Variants in FOCAD observed in about 807,000 individuals in gnomAD.
The protein encoded by FOCAD is KIAA1797.
A neutral mutation model predicts 225.6 loss-of-function variants in FOCAD; 198 were observed. The ratio of observed to expected loss-of-function variants is 0.88; its 90% CI spans 0.78 to 0.99. The LOEUF (loss-of-function observed/expected upper bound fraction) is 0.99, where lower values mean the gene tolerates loss of function less well. Ranked by LOEUF, FOCAD falls within the 50% of genes least tolerant of loss-of-function variation. FOCAD has a pLI of 0.00. For missense variants in FOCAD, 2,713 were observed against 2,123.6 expected (o/e 1.28, Z -5.46); for synonymous variants, 897 against 755.0 (o/e 1.19, Z -3.08).
At chr9:20,746,271 A>G (rs559338324) in intron 5 of FOCAD, among the ~76,000 whole-genome samples, 1 of 152,318 alleles carries the variant, frequency 6.6e-6, no homozygotes, top group Non-Finnish European at 1.5e-5. Context: ...TTTCAGAGGA[A>G]GGAAAAGCAA....
intron 7 of FOCAD, among the ~76,000 whole-genome samples, chr9:20,766,673 A>G (rs1403785047): frequency 1.4e-5 from 2 of 141,808 alleles, no homozygotes; most frequent in African/African-American, 5.3e-5. Flanking sequence ...TCCCTTCCTT[A>G]TTTTTTTCTT....
chr9:20,956,830 T>C (rs1232627883), intron 35 of FOCAD, among the ~76,000 whole-genome samples: 3 of 152,132 alleles, frequency 2.0e-5, no homozygotes, highest in Non-Finnish European at 4.4e-5. Context: ...GCTTCTGGGA[T>C]TACAGCCATG....
chr9:20,902,202 A>T (rs1832615967), intron 21 of FOCAD, among the ~76,000 whole-genome samples: 1 of 151,892 alleles, frequency 6.6e-6, no homozygotes, highest in Admixed American at 6.6e-5. Flanking sequence ...ATTGTATGAG[A>T]TTAAGATCTA....
intron 18 of FOCAD, among the ~76,000 whole-genome samples, chr9:20,873,518 T>TA (rs1275156675): frequency 6.6e-6 from 1 of 152,192 alleles, no homozygotes; most frequent in East Asian, 1.9e-4. Flanking sequence ...GTTATCTCTG[T>TA]AAGTATGGCT....
chr9:20,758,837 G>T (rs1829306180), intron 6 of FOCAD, among the ~76,000 whole-genome samples: 1 of 152,166 alleles, frequency 6.6e-6, no homozygotes, highest in South Asian at 2.1e-4. Flanking sequence ...GTCCCTGTTT[G>T]CAGATGACAT....
intron 15 of FOCAD, among the ~76,000 whole-genome samples, chr9:20,845,441 C>CTATATA (rs1375298178): frequency 2.1e-5 from 1 of 48,022 alleles, no homozygotes; most frequent in African/African-American, 6.6e-5. Context: ...ATCTTTTCCT[C>CTATATA]GATATATATA....
At chr9:20,908,515 T>C (rs1368683230) in intron 22 of FOCAD, among the ~76,000 whole-genome samples, 1 of 152,110 alleles carries the variant, frequency 6.6e-6, no homozygotes, top group Non-Finnish European at 1.5e-5. Context: ...TAAATCCACG[T>C]AGTCTACCAG....
At chr9:20,941,412 G>A (rs183666130) in intron 28 of FOCAD, among the ~76,000 whole-genome samples, 2 of 152,300 alleles carry the variant, frequency 1.3e-5, no homozygotes, top group East Asian at 3.9e-4. Flanking sequence ...AAAGGGCAAA[G>A]CGCTATATAA....
chr9:20,977,708 A>G (rs1212191867), intron 36 of FOCAD, among the ~76,000 whole-genome samples: 3 of 152,242 alleles, frequency 2.0e-5, no homozygotes, highest in Non-Finnish European at 4.4e-5. Context: ...AATTTTGACT[A>G]CATACAATTT....
chr9:20,675,528 C>CA (rs1327545748), intron 2 of FOCAD, among the ~76,000 whole-genome samples: 2 of 152,100 alleles, frequency 1.3e-5, no homozygotes, highest in African/African-American at 4.8e-5. Flanking sequence ...CACAGGGAGA[C>CA]AATGGTCAGA....
intron 11 of FOCAD, among the ~76,000 whole-genome samples, chr9:20,805,667 T>A (rs1327729190): frequency 6.6e-6 from 1 of 152,202 alleles, no homozygotes; most frequent in African/African-American, 2.4e-5. Flanking sequence ...TGAATAAGCA[T>A]ATAAATTCTG....
At chr9:20,772,696 A>C (rs1818357350) in intron 8 of FOCAD, among the ~76,000 whole-genome samples, 1 of 151,962 alleles carries the variant, frequency 6.6e-6, no homozygotes, top group Non-Finnish European at 1.5e-5. Context: ...TGGAAATTGG[A>C]ATTAAGGGAG....
At chr9:20,758,783 A>G (rs533400723) in intron 6 of FOCAD, among the ~76,000 whole-genome samples, 5 of 152,120 alleles carry the variant, frequency 3.3e-5, no homozygotes, top group African/African-American at 1.2e-4. Context: ...TAGGCAGGAG[A>G]AGGAAATAAA....
chr9:20,858,976 T>A (rs911772517), intron 15 of FOCAD, among the ~76,000 whole-genome samples: 1 of 151,930 alleles, frequency 6.6e-6, no homozygotes, highest in African/African-American at 2.4e-5. Context: ...TTTTATAAAT[T>A]TTTTTAGACT....
chr9:20,929,943 T>C (rs959791962), intron 27 of FOCAD, among the ~76,000 whole-genome samples: 3 of 152,148 alleles, frequency 2.0e-5, no homozygotes, highest in African/African-American at 7.2e-5. Context: ...CTGGTTTGTA[T>C]GGGATGAAAA....
rs76259914 is a variant in FOCAD, at chr9:20,989,561, A to G, written c.5005-562A>G. Among the ~76,000 whole-genome samples, 1,022 of 152,294 alleles carry G rather than the reference A, an allele frequency of 6.7e-3. 13 individuals carry two copies. Among genetic ancestry groups the G allele is most frequent in the African/African-American group, 0.023 (960 of 41,554 alleles). On this transcript the variant is annotated intron_variant, in intron 41 of 43. Transcript: ENST00000338382. ...AAGCTGGGCACAATGGCACATGTCT[A>G]TAGTCCCAGCCACTTGGGAGGCTGA...
At chr9:20,690,981 C>T (rs903015497) in intron 1 of FOCAD, among the ~76,000 whole-genome samples, 22 of 151,226 alleles carry the variant, frequency 1.5e-4, no homozygotes, top group Middle Eastern at 3.4e-3. Context: ...CTCACTCTGT[C>T]GACCAGGCTG....
intron 24 of FOCAD, among the ~76,000 whole-genome samples, chr9:20,919,368 T>C (rs562278016): frequency 2.0e-4 from 30 of 152,210 alleles, no homozygotes; most frequent in African/African-American, 6.7e-4. Flanking sequence ...AGAATCAATA[T>C]CGTGAAAATG....
intron 16 of FOCAD, chr9:20,863,566 A>T (rs1277450415): frequency 1.3e-5 from 2 of 152,160 alleles, no homozygotes; most frequent in Non-Finnish European, 2.9e-5. Context: ...TAGTTGTTGA[A>T]TGAATGATTG....
Sources: allele counts gnomAD v4.1 joint callset (sites outside exome capture counted in the v4.1 genomes callset), GRCh38; gene constraint gnomAD v4.1.1; transcripts MANE v1.5; gene names NCBI Gene and HGNC (gene_info 2026-07-23, HGNC 2026-07-21).